Variants in GABRB3 observed in about 807,000 individuals in gnomAD.
GABRB3 encodes gamma-aminobutyric acid type A receptor subunit beta3.
GABRB3 carries 14 observed loss-of-function variants against 52.1 expected under a neutral mutation model. The observed-to-expected ratio is 0.27, with a 90% CI of 0.18 to 0.42. The LOEUF is 0.42. Among genes scored for constraint, GABRB3 ranks in the 10% least tolerant of loss-of-function variants. GABRB3 has a pLI of 1.00. For missense variants in GABRB3, 307 were observed against 609.1 expected, an observed-to-expected ratio of 0.50 and a Z score of 5.22; for synonymous variants, 260 against 232.3, an observed-to-expected ratio of 1.12 and a Z score of -1.08.
intron 3 of GABRB3, among the ~76,000 whole-genome samples, chr15:26,650,922 C>G (rs1259731530): frequency 6.6e-6 from 1 of 152,120 alleles, no homozygotes; most frequent in Non-Finnish European, 1.5e-5. Context: ...TCCAGCTCCA[C>G]TCTCTACTGA....
At chr15:26,571,158 T>C (rs764606997) in intron 6 of GABRB3, among the ~76,000 whole-genome samples, 5 of 152,184 alleles carry the variant, frequency 3.3e-5, no homozygotes, top group Non-Finnish European at 5.9e-5. Context: ...ACCTCAGACC[T>C]TTCTTATCAC....
intron 3 of GABRB3, among the ~76,000 whole-genome samples, chr15:26,635,003 T>TAC (rs1893015015): frequency 1.9e-4 from 1 of 5,186 alleles, no homozygotes; most frequent in Non-Finnish European, 3.0e-3. Context: ...TATATATATA[T>TAC]ATATATAATA....
At chr15:26,610,487 T>A (rs1892027386) in intron 4 of GABRB3, among the ~76,000 whole-genome samples, 2 of 152,218 alleles carry the variant, frequency 1.3e-5, no homozygotes, top group South Asian at 4.1e-4. Flanking sequence ...TGTGTATGTA[T>A]CAACATAGTA....
At chr15:26,642,527 G>A (rs1480198974) in intron 3 of GABRB3, 1 of 1,285,268 alleles carries the variant, frequency 7.8e-7, no homozygotes, top group Non-Finnish European at 1.0e-6. Flanking sequence ...TTCCTGCATA[G>A]CCTGCAAAGA....
chr15:26,624,829 G>C, intron 3 of GABRB3: 1 of 985,350 alleles, frequency 1.0e-6, no homozygotes, highest in Non-Finnish European at 1.2e-6. Flanking sequence ...TCGTGCAGCC[G>C]GGAGTAGCAA....
chr15:26,761,012 T>C (rs957583232), intron 3 of GABRB3, among the ~76,000 whole-genome samples: 4 of 152,240 alleles, frequency 2.6e-5, no homozygotes, highest in Non-Finnish European at 5.9e-5. Flanking sequence ...ATGAGAGTAC[T>C]GTGCTTTACA....
At chr15:26,674,400 CAAAAAAAAA>C (rs55723767) in intron 3 of GABRB3, among the ~76,000 whole-genome samples, 1 of 86,764 alleles carries the variant, frequency 1.2e-5, no homozygotes, top group African/African-American at 4.8e-5. Flanking sequence ...GACTCAGTTT[CAAAAAAAAA>C]AAAAAAAAAA....
Position 26,543,608 on chromosome 15 carries a change from A to G in GABRB3, c.*4185T>C, listed in dbSNP as rs921581062. 7 of 152,752 alleles carry G rather than the reference A, an allele frequency of 4.6e-5. No individual in the cohort carries two copies. Among genetic ancestry groups the G allele is most frequent in the African/African-American group, 1.7e-4 (7 of 41,572 alleles). 9.5% of individuals were successfully genotyped at this position (152,752 alleles called of 1,614,324 possible). A position where few individuals can be genotyped will look rare whatever the true frequency, so the allele number is the denominator to read the frequency against. ...CATTCATCAACAAGTTTCATATTGT[A>G]TCTATCACTCAATTTTGCTGTTTTT... On this transcript the variant is annotated 3_prime_UTR_variant, in exon 9 of 9. Coordinates refer to ENST00000311550, the MANE Select transcript of GABRB3 (RefSeq NM_000814.6).
intron 3 of GABRB3, among the ~76,000 whole-genome samples, chr15:26,635,557 T>G (rs930754544): frequency 6.6e-6 from 1 of 152,198 alleles, no homozygotes; most frequent in Non-Finnish European, 1.5e-5. Flanking sequence ...GACGTTTATT[T>G]ATCAGGAGGA....
At chr15:26,552,023 TGAGATA>T (rs1285385753) in intron 8 of GABRB3, among the ~76,000 whole-genome samples, 2 of 151,944 alleles carry the variant, frequency 1.3e-5, no homozygotes, top group East Asian at 1.9e-4. Flanking sequence ...TTTTTTTTTT[TGAGATA>T]GAGTTTCACT....
At chr15:26,642,275 G>A (rs181904704) in intron 3 of GABRB3, among the ~76,000 whole-genome samples, 3 of 152,098 alleles carry the variant, frequency 2.0e-5, no homozygotes, top group African/African-American at 7.2e-5. Context: ...CAAAAATAGA[G>A]GATCAACTTT....
At chr15:26,575,548 T>C (rs931461450) in intron 6 of GABRB3, among the ~76,000 whole-genome samples, 2 of 152,186 alleles carry the variant, frequency 1.3e-5, no homozygotes, top group Admixed American at 6.5e-5. Context: ...ATAGACTGAA[T>C]GGGCAATAAT....
intron 4 of GABRB3, among the ~76,000 whole-genome samples, chr15:26,584,221 A>G (rs545210269): frequency 4.9e-4 from 75 of 152,308 alleles, no homozygotes; most frequent in Non-Finnish European, 9.4e-4. Context: ...TTGGATAATC[A>G]GTGGCAGAGA....
chr15:26,747,457 T>G (rs1468753780), intron 3 of GABRB3, among the ~76,000 whole-genome samples: 1 of 152,248 alleles, frequency 6.6e-6, no homozygotes, highest in Non-Finnish European at 1.5e-5. Context: ...AGTTTATACC[T>G]AAGTACTTCA....
rs532671744 is a variant in GABRB3 at position 26,632,872 on chromosome 15, A to G, written c.241-11338T>C. ...CAATGCTTAACACAGTGCTGGATTC[A>G]TAACAGGCATTTGGAAAATTGTACT... On this transcript the variant is annotated intron_variant, in intron 3 of 8. Coordinates refer to ENST00000311550, the MANE Select transcript of GABRB3 (RefSeq NM_000814.6). Among the ~76,000 whole-genome samples the G allele has an allele frequency of 3.1e-4, 47 of 152,362 alleles. 1 individual carries two copies. Among genetic ancestry groups the G allele is most frequent in the Non-Finnish European group, 7.3e-5 (5 of 68,030 alleles).
intron 4 of GABRB3, among the ~76,000 whole-genome samples, chr15:26,591,544 C>T (rs1891203550): frequency 6.6e-6 from 1 of 152,190 alleles, no homozygotes; most frequent in Admixed American, 6.5e-5. Context: ...AAGCCGCAAA[C>T]TGGCAATAGT....
At position 26,621,573 on chromosome 15, in the gene GABRB3, C is replaced by A. The variant is rs1282870078; in HGVS notation, c.241-39G>T. On this transcript the variant is annotated intron_variant, in intron 3 of 8. Coordinates refer to ENST00000311550, the MANE Select transcript of GABRB3 (RefSeq NM_000814.6). This position sits in a 1 kb window ranked among gnomAD's most constrained non-coding sequence, Gnocchi z 4.1. ...AAAAGAAAGAAAGTTAGTTTGTACC[C>A]AGCCACAGGTGTATTTCCTCCACGA... 3.9e-6 allele frequency: 6 copies of A among 1,529,546 alleles called. No individual in the cohort carries two copies. The highest frequency in any genetic ancestry group is 5.4e-6 in the Non-Finnish European group (6 of 1,107,756). 94.7% of individuals were successfully genotyped at this position (1,529,546 alleles called of 1,614,324 possible).
intron 3 of GABRB3, among the ~76,000 whole-genome samples, chr15:26,647,227 G>A (rs1056081623): frequency 6.6e-6 from 1 of 152,174 alleles, no homozygotes; most frequent in Non-Finnish European, 1.5e-5. Flanking sequence ...TAAGTTGTGA[G>A]AGTTATTTAC....
At chr15:26,721,099 T>C (rs1747615050) in intron 3 of GABRB3, among the ~76,000 whole-genome samples, 2 of 151,864 alleles carry the variant, frequency 1.3e-5, no homozygotes, top group South Asian at 4.2e-4. Context: ...GACCTGAAAA[T>C]GTGTGGATGC....
Sources: gnomAD v4.1 joint callset for allele counts (sites outside exome capture counted in the v4.1 genomes callset) on GRCh38, gnomAD v4.1.1 for gene constraint, Gnocchi (gnomAD v3.1) non-coding constraint, MANE v1.5 for transcripts, NCBI Gene and HGNC (gene_info 2026-07-23, HGNC 2026-07-21) for gene names.